Variants in DRC8 observed in about 807,000 individuals in gnomAD.
DRC8 encodes dynein regulatory complex protein 8.
the DRC8 span, among the ~76,000 whole-genome samples, chr1:245,034,376 G>A: frequency 2.0e-3 from 299 of 152,134 alleles, 2 homozygotes; most frequent in African/African-American, 6.8e-3. Flanking sequence ...CAAGGCAGGC[G>A]AATCTTTTGA....
chr1:244,981,616 G>A, the DRC8 span, among the ~76,000 whole-genome samples: 1 of 152,122 alleles, frequency 6.6e-6, no homozygotes, highest in Non-Finnish European at 1.5e-5. Flanking sequence ...TCATCACTCC[G>A]GTTGCTCCTG....
the DRC8 span, among the ~76,000 whole-genome samples, chr1:245,020,079 G>A: frequency 8.3e-3 from 1,269 of 152,280 alleles, 25 homozygotes; most frequent in African/African-American, 0.029. Flanking sequence ...GGCACTGGCT[G>A]TTCCTCCCCT....
At chr1:245,124,921 A>G in the DRC8 span, 1 of 152,064 alleles carries the variant, frequency 6.6e-6, no homozygotes, top group African/African-American at 2.4e-5. Flanking sequence ...GTTTCCTCCC[A>G]TTTCCTCCTT....
At chr1:245,044,756 T>A in the DRC8 span, among the ~76,000 whole-genome samples, 1 of 151,788 alleles carries the variant, frequency 6.6e-6, no homozygotes, top group African/African-American at 2.4e-5. Context: ...GTTTGTGTAT[T>A]TTTAGTAGAG....
chr1:245,113,436 C>G, the DRC8 span, among the ~76,000 whole-genome samples: 1 of 152,154 alleles, frequency 6.6e-6, no homozygotes, highest in African/African-American at 2.4e-5. Flanking sequence ...TTCAATTCAG[C>G]AGCATTTTAG....
the DRC8 span, among the ~76,000 whole-genome samples, chr1:245,104,035 A>G: frequency 6.6e-6 from 1 of 152,192 alleles, no homozygotes. Flanking sequence ...TTCCTGGGAC[A>G]GTGGAAATAA....
the DRC8 span, among the ~76,000 whole-genome samples, chr1:245,052,215 G>A: frequency 2.0e-5 from 3 of 152,212 alleles, no homozygotes; most frequent in African/African-American, 7.2e-5. Context: ...GATGTTGGAT[G>A]GGGGTGAATT....
the DRC8 span, among the ~76,000 whole-genome samples, chr1:245,021,127 C>A: frequency 0.15 from 22,308 of 152,018 alleles, 2,463 homozygotes; most frequent in African/African-American, 0.31. Flanking sequence ...AAAAAATTAA[C>A]AACTATTTAT....
At chr1:245,005,375 G>A in the DRC8 span, among the ~76,000 whole-genome samples, 1 of 151,550 alleles carries the variant, frequency 6.6e-6, no homozygotes, top group Non-Finnish European at 1.5e-5. Flanking sequence ...TTTTTAGACG[G>A]AGCCTCACTC....
At chr1:244,979,785 G>T in the DRC8 span, among the ~76,000 whole-genome samples, 2 of 151,912 alleles carry the variant, frequency 1.3e-5, no homozygotes, top group African/African-American at 4.8e-5. Context: ...AACAAGTAGG[G>T]GATGGATATT....
the DRC8 span, chr1:245,087,647 GAATT>G: frequency 1.9e-6 from 2 of 1,046,476 alleles, no homozygotes; most frequent in Non-Finnish European, 2.3e-6. Flanking sequence ...GGTCACCTTC[GAATT>G]AATTAAGCTG....
chr1:245,015,849 T>C, the DRC8 span: 1 of 162,456 alleles, frequency 6.2e-6, no homozygotes, highest in African/African-American at 2.4e-5. Flanking sequence ...TTCCACCCTT[T>C]TCATAATAGC....
the DRC8 span, among the ~76,000 whole-genome samples, chr1:244,990,499 T>G: frequency 2.0e-5 from 3 of 152,180 alleles, no homozygotes; most frequent in Non-Finnish European, 2.9e-5. Flanking sequence ...CCTGTCAGTA[T>G]GGACACATTG....
the DRC8 span, among the ~76,000 whole-genome samples, chr1:244,981,637 C>T: frequency 6.6e-6 from 1 of 152,156 alleles, no homozygotes; most frequent in Admixed American, 6.5e-5. Context: ...GAGCCATAAA[C>T]TGCAAGAAAT....
chr1:244,981,418 C>T, the DRC8 span, among the ~76,000 whole-genome samples: 3 of 152,118 alleles, frequency 2.0e-5, no homozygotes, highest in Admixed American at 6.5e-5. Flanking sequence ...CAATGGTTAA[C>T]ATTTATAGAG....
chr1:245,122,485 G>A, the DRC8 span: 1 of 152,822 alleles, frequency 6.5e-6, no homozygotes, highest in Non-Finnish European at 1.5e-5. Context: ...CTGGAGACAG[G>A]GTTTCACTGT....
At chr1:245,047,968 C>CT in the DRC8 span, among the ~76,000 whole-genome samples, 1 of 90,020 alleles carries the variant, frequency 1.1e-5, no homozygotes, top group South Asian at 4.4e-4. Context: ...GAGCTGGACT[C>CT]TGTCTCAAAA....
the DRC8 span, among the ~76,000 whole-genome samples, chr1:244,975,460 C>T: frequency 1.3e-5 from 2 of 152,212 alleles, no homozygotes; most frequent in Non-Finnish European, 2.9e-5. Flanking sequence ...CTTCAAGTTC[C>T]TCAGATGTAA....
At chr1:244,993,403 T>C in the DRC8 span, among the ~76,000 whole-genome samples, 1 of 152,156 alleles carries the variant, frequency 6.6e-6, no homozygotes, top group East Asian at 1.9e-4. Context: ...GTCCAGAATA[T>C]CATATCTAAA....
Sources: allele counts gnomAD v4.1 joint callset (sites outside exome capture counted in the v4.1 genomes callset), GRCh38; gene constraint gnomAD v4.1.1; transcripts MANE v1.5; gene names NCBI Gene and HGNC (gene_info 2026-07-23, HGNC 2026-07-21).